RTN4RL2: variants seen among roughly 807,000 people sequenced by gnomAD.
RTN4RL2 encodes reticulon-4 receptor-like 2.
In RTN4RL2, 9 loss-of-function variants were observed where a neutral mutation model predicts 27.8. That is an observed-to-expected ratio of 0.32 (90% CI 0.20 to 0.57). The LOEUF (loss-of-function observed/expected upper bound fraction) is 0.57. Among genes scored for constraint, RTN4RL2 ranks in the 20% least tolerant of loss-of-function variants. The pLI is 0.90. For synonymous variants in RTN4RL2, 285 were observed against 297.9 expected, an observed-to-expected ratio of 0.96 and a Z score of 0.45; for missense variants, 436 against 596.8, an observed-to-expected ratio of 0.73 and a Z score of 2.81.
chr11:57,469,026 C>A, intron 2 of RTN4RL2: 1 of 619,098 alleles, frequency 1.6e-6, no homozygotes, highest in Non-Finnish European at 2.9e-6. Context: ...TGAAAATATC[C>A]AAATTCTGCC....
At chr11:57,471,568 G>C (rs1943562655) in intron 2 of RTN4RL2, among the ~76,000 whole-genome samples, 1 of 152,242 alleles carries the variant, frequency 6.6e-6, no homozygotes, top group African/African-American at 2.4e-5. Context: ...GAGGAAACAT[G>C]GGCTGGGGTG....
In RTN4RL2 at chr11:57,460,828, C is replaced by T. The variant is rs903305096; in HGVS notation, c.-38C>T. 2.3e-5 allele frequency: 31 copies of T among 1,339,302 alleles called. No homozygotes were observed. The highest frequency in any genetic ancestry group is 3.0e-5 in the Non-Finnish European group (30 of 1,011,174). The allele number at this position is 1,339,302 out of a possible 1,614,324, so 83.0% of individuals were successfully genotyped here. A position where few individuals can be genotyped will look rare whatever the true frequency, so the allele number is the denominator to read the frequency against. ...GGCTCAGGGAGCGAGTGGGAGCGCC[C>T]TCCCCCCGCTGCCCCCTCCCCCGAG... On this transcript the variant is annotated 5_prime_UTR_variant, in exon 1 of 3. Coordinates refer to ENST00000335099, the MANE Select transcript of RTN4RL2 (RefSeq NM_178570.3).
At chr11:57,461,172 C>T (rs997760983) in intron 1 of RTN4RL2, among the ~76,000 whole-genome samples, 1 of 151,972 alleles carries the variant, frequency 6.6e-6, no homozygotes, top group Admixed American at 6.5e-5. Flanking sequence ...GCTCAGGTTC[C>T]GCTGTCCCCG....
At position 57,467,538 on chromosome 11, in the gene RTN4RL2, G is replaced by A. The variant is rs999312668; in HGVS notation, c.32-71G>A. 2.0e-6 allele frequency: 3 copies of A among 1,534,986 alleles called. No individual in the cohort carries two copies. Among genetic ancestry groups the A allele is most frequent in the Non-Finnish European group, 2.6e-6 (3 of 1,144,526 alleles). ...CGGGTCTAGGCCTTTTACCAAGTTG[G>A]GGGGCTGGCCCCCAGCTGGCACTCC... is the stretch of plus-strand genomic sequence containing the variant. On this transcript the variant is annotated intron_variant, in intron 1 of 2. Transcript: ENST00000335099. The surrounding 1 kb of genome is among the most constrained non-coding windows in gnomAD (Gnocchi z 5.5).
rs1268848686 is a variant in RTN4RL2, at chr11:57,476,702, C to A, written c.1054C>A (p.Pro352Thr). The change falls in exon 3 of 3, where the codon CCT (proline) becomes ACT (threonine). Residue 352 changes from proline (P) to threonine (T), a missense_variant. Physicochemically the swap from Pro to Thr is conservative, Grantham distance 38. Coordinates refer to ENST00000335099, the MANE Select transcript of RTN4RL2 (RefSeq NM_178570.3). This position sits in a 1 kb window ranked among gnomAD's most constrained non-coding sequence, Gnocchi z 8.2. ...ADPSTLYRDL[P>T]AEDSRGRQGG... ...TCCCTCCACCCTCTACCGAGATCTG[C>A]CTGCCGAAGACTCGCGGGGGCGCCA... 2 of 1,441,154 alleles carry A rather than the reference C, an allele frequency of 1.4e-6. No homozygotes were observed. Among genetic ancestry groups the A allele is most frequent in the Admixed American group, 2.8e-5 (1 of 36,236 alleles). The allele number at this position is 1,441,154 out of a possible 1,614,324, so 89.3% of individuals were successfully genotyped here.
In RTN4RL2 at chr11:57,476,083, C is replaced by T; in HGVS notation, c.514-79C>T. On this transcript the variant is annotated intron_variant, in intron 2 of 2. Coordinates refer to ENST00000335099, the MANE Select transcript of RTN4RL2 (RefSeq NM_178570.3). This position sits in a 1 kb window ranked among gnomAD's most constrained non-coding sequence, Gnocchi z 8.2. ...TGCCACGGTGCACCCCCTTCCCTCC[C>T]CCGGCCAAGGCCCCAGCGGGGTCTG... 1 of 1,419,962 alleles carries T rather than the reference C, an allele frequency of 7.0e-7. No individual in the cohort carries two copies. The highest frequency in any genetic ancestry group is 1.4e-5 in the African/African-American group (1 of 70,022). The allele number at this position is 1,419,962 out of a possible 1,614,324, so 88.0% of individuals were successfully genotyped here.
chr11:57,468,957 T>C, intron 2 of RTN4RL2: 1 of 704,428 alleles, frequency 1.4e-6, no homozygotes, highest in Non-Finnish European at 2.5e-6. Context: ...TAACACACCC[T>C]CCAAACCACC....
At chr11:57,463,412 T>C (rs1297180633) in intron 1 of RTN4RL2, among the ~76,000 whole-genome samples, 1 of 152,016 alleles carries the variant, frequency 6.6e-6, no homozygotes, top group Non-Finnish European at 1.5e-5. Context: ...TACAAAGGGC[T>C]TTCCTCTGTC....
chr11:57,476,984 C>T lies in RTN4RL2; in HGVS notation c.*73C>T. The T allele has an allele frequency of 2.1e-6, 3 of 1,424,962 alleles. No homozygotes were observed. Among genetic ancestry groups the T allele is most frequent in the Non-Finnish European group, 2.8e-6 (3 of 1,076,160 alleles). The allele number at this position is 1,424,962 out of a possible 1,614,324, so 88.3% of individuals were successfully genotyped here. On this transcript the variant is annotated 3_prime_UTR_variant, in exon 3 of 3. Coordinates refer to ENST00000335099, the MANE Select transcript of RTN4RL2 (RefSeq NM_178570.3). This position sits in a 1 kb window ranked among gnomAD's most constrained non-coding sequence, Gnocchi z 8.2. ...TCCACCCGGGGCTGCGGCTCCGGCC[C>T]CAGTCGCCCCACCTTCCCTGGCCTT...
rs781525151 is a variant in RTN4RL2, at chr11:57,476,282, G to T, written c.634G>T (p.Gly212Trp). 6.2e-7 allele frequency: 1 copy of T among 1,612,232 alleles called. No individual in the cohort carries two copies. The highest frequency in any genetic ancestry group is 8.5e-7 in the Non-Finnish European group (1 of 1,179,534). The change falls in exon 3 of 3, where the codon GGG becomes TGG. Residue 212 changes from glycine (G) to tryptophan (W), a missense_variant. By Grantham distance (184) the Gly-to-Trp change is radical. Coordinates refer to ENST00000335099, the MANE Select transcript of RTN4RL2 (RefSeq NM_178570.3). This position sits in a 1 kb window ranked among gnomAD's most constrained non-coding sequence, Gnocchi z 8.2. ...LGSLDRLLLH[G>W]NRLQGVHRAA... ...CAGCCTGGACCGGCTGCTGCTGCAC[G>T]GGAACCGGCTGCAGGGCGTGCACCG... is the stretch of plus-strand genomic sequence containing the variant.
chr11:57,476,580 C>A lies in RTN4RL2; in HGVS notation c.932C>A (p.Pro311Gln). The change falls in exon 3 of 3, where the codon CCG becomes CAG. Residue 311 changes from proline to glutamine, a missense_variant. By Grantham distance (76) the Pro-to-Gln change is moderately conservative. Coordinates refer to ENST00000335099, the MANE Select transcript of RTN4RL2 (RefSeq NM_178570.3). The surrounding 1 kb of genome is among the most constrained non-coding windows in gnomAD (Gnocchi z 8.2). The stretch of plus-strand genomic sequence containing the variant: ...CGCGAGGCCGACTTCCAGGCGTGTC[C>A]GCCCGCGGCACCCACGCGGCCGGGC... ...ALREADFQAC[P>Q]PAAPTRPGSR... 7.2e-7 allele frequency: 1 copy of A among 1,397,390 alleles called. No individual in the cohort carries two copies. Among genetic ancestry groups the A allele is most frequent in the Non-Finnish European group, 9.2e-7 (1 of 1,082,612 alleles). 86.6% of individuals were successfully genotyped at this position (1,397,390 alleles called of 1,614,324 possible).
chr11:57,476,132 T>C lies in RTN4RL2; in HGVS notation c.514-30T>C, dbSNP rs1304511617. On this transcript the variant is annotated intron_variant, in intron 2 of 2. Coordinates refer to ENST00000335099, the MANE Select transcript of RTN4RL2 (RefSeq NM_178570.3). The surrounding 1 kb of genome is among the most constrained non-coding windows in gnomAD (Gnocchi z 8.2). ...TGCACCCTACCTCAGGCCCATTCTC[T>C]TCTTCTGTGCCCCACTCCACCCCAC... 6.3e-7 allele frequency: 1 copy of C among 1,578,416 alleles called. No homozygotes were observed. Among genetic ancestry groups the C allele is most frequent in the Non-Finnish European group, 8.6e-7 (1 of 1,160,574 alleles).
intron 2 of RTN4RL2, among the ~76,000 whole-genome samples, chr11:57,474,708 T>G (rs1943586399): frequency 6.6e-6 from 1 of 152,228 alleles, no homozygotes; most frequent in South Asian, 2.1e-4. Context: ...TGAGCTGGGC[T>G]GATGGGTGCC....
rs1943602137 is a variant in RTN4RL2 at position 57,476,966 on chromosome 11, G to A, written c.*55G>A. 6 of 1,486,408 alleles carry A rather than the reference G, an allele frequency of 4.0e-6. No individual in the cohort carries two copies. Among genetic ancestry groups the A allele is most frequent in the Non-Finnish European group, 3.6e-6 (4 of 1,123,660 alleles). 92.1% of individuals were successfully genotyped at this position (1,486,408 alleles called of 1,614,324 possible). ...TCCGATCCCCGCTTCCCGTCCACCCGGGGCTGCGGCTCCGGCCCCAGTCGC... is the reference window on the plus strand; with the variant it reads ...TCCGATCCCCGCTTCCCGTCCACCCAGGGCTGCGGCTCCGGCCCCAGTCGC... On this transcript the variant is annotated 3_prime_UTR_variant, in exon 3 of 3. Coordinates refer to ENST00000335099, the MANE Select transcript of RTN4RL2 (RefSeq NM_178570.3). This position sits in a 1 kb window ranked among gnomAD's most constrained non-coding sequence, Gnocchi z 8.2.
At position 57,467,946 on chromosome 11, in the gene RTN4RL2, GCCCGA is replaced by G; in HGVS notation, c.371_375del (p.Pro124HisfsTer48). ...ACAACCGGCACCTGCGCTCGCTGGA[GCCCGA>G]CACCTTCCAGGGCCTGGAGCGGCTG... On this transcript the variant is annotated frameshift_variant, in exon 2 of 3. Transcript: ENST00000335099. LOFTEE classifies it high-confidence loss of function. The surrounding 1 kb of genome is among the most constrained non-coding windows in gnomAD (Gnocchi z 5.5). 6.2e-7 allele frequency: 1 copy of G among 1,612,894 alleles called. No homozygotes were observed. The highest frequency in any genetic ancestry group is 8.5e-7 in the Non-Finnish European group (1 of 1,179,966).
chr11:57,476,854 G>C lies in RTN4RL2; in HGVS notation c.1206G>C (p.Ser402=), dbSNP rs777517378. ...APPDSRGPAL[S]AGLPSPLLCL... is the part of the protein sequence containing the mutation. ...CGGACTCCCGAGGCCCTGCGCTCTC[G>C]GCCGGGCTCCCCAGCCCTCTGCTTT... Residue 402 remains serine, a synonymous_variant, in exon 3 of 3, where the codon TCG becomes TCC. Coordinates refer to ENST00000335099, the MANE Select transcript of RTN4RL2 (RefSeq NM_178570.3). This position sits in a 1 kb window ranked among gnomAD's most constrained non-coding sequence, Gnocchi z 8.2. 1.3e-6 allele frequency: 2 copies of C among 1,572,872 alleles called. No homozygotes were observed. Among genetic ancestry groups the C allele is most frequent in the Admixed American group, 1.8e-5 (1 of 56,786 alleles).
intron 2 of RTN4RL2, 38 bp downstream of exon 2, chr11:57,468,128 G>A: frequency 6.5e-7 from 1 of 1,547,424 alleles, no homozygotes; most frequent in East Asian, 2.3e-5. Flanking sequence ...CCCCTTTCTG[G>A]TTTCCTCTCT....
Position 57,476,371 on chromosome 11 carries a change from G to A in RTN4RL2, c.723G>A (p.Ser241=), listed in dbSNP as rs1407591362. The A allele has an allele frequency of 1.2e-6, 2 of 1,608,854 alleles. No homozygotes were observed. Among genetic ancestry groups the A allele is most frequent in the East Asian group, 4.5e-5 (2 of 44,796 alleles). Residue 241 remains serine (S), a synonymous_variant, in exon 3 of 3, where the codon TCG becomes TCA. Coordinates refer to ENST00000335099, the MANE Select transcript of RTN4RL2 (RefSeq NM_178570.3). The surrounding 1 kb of genome is among the most constrained non-coding windows in gnomAD (Gnocchi z 8.2). The part of the protein sequence containing the change: ...ILYLFNNSLA[S]LPGEALADLP... Reference sequence around the variant, plus strand: ...ACCTGTTCAACAACAGCCTGGCCTCGCTGCCCGGCGAGGCGCTCGCCGACC... The same window carrying A: ...ACCTGTTCAACAACAGCCTGGCCTCACTGCCCGGCGAGGCGCTCGCCGACC...
At chr11:57,468,490 G>A (rs911293213) in intron 2 of RTN4RL2, 82 of 1,360,714 alleles carry the variant, frequency 6.0e-5, no homozygotes, top group Non-Finnish European at 7.3e-5. Context: ...CCCCATGTCT[G>A]TCTGCGTGTG....
Sources: gnomAD v4.1 joint callset for allele counts (sites outside exome capture counted in the v4.1 genomes callset) on GRCh38, gnomAD v4.1.1 for gene constraint, Gnocchi (gnomAD v3.1) non-coding constraint, MANE v1.5 for transcripts, NCBI Gene and HGNC (gene_info 2026-07-23, HGNC 2026-07-21) for gene names.